GPM6A: variants seen among roughly 807,000 people sequenced by gnomAD.
GPM6A encodes neuronal membrane glycoprotein M6-a.
Under a neutral mutation model 32.1 loss-of-function variants are expected in GPM6A, and 7 were observed. The observed-to-expected ratio is 0.22, with a 90% CI of 0.12 to 0.41. GPM6A has a LOEUF of 0.41. Among genes scored for constraint, GPM6A ranks in the 10% least tolerant of loss-of-function variants. The pLI is 1.00. For missense variants in GPM6A, 235 were observed against 347.2 expected, an observed-to-expected ratio of 0.68 and a Z score of 2.57; for synonymous variants, 130 against 123.4, an observed-to-expected ratio of 1.05 and a Z score of -0.35.
chr4:175,940,807 C>T (rs1471266817), intron 1 of GPM6A, among the ~76,000 whole-genome samples: 1 of 152,152 alleles, frequency 6.6e-6, no homozygotes, highest in Non-Finnish European at 1.5e-5. Context: ...CAGGGTTTGC[C>T]CATGTTGGCC....
At chr4:175,865,717 T>G (rs1468699977) in intron 1 of GPM6A, among the ~76,000 whole-genome samples, 5 of 152,166 alleles carry the variant, frequency 3.3e-5, no homozygotes, top group Non-Finnish European at 7.4e-5. Context: ...AGACTTTTTT[T>G]CTTACTTTTA....
chr4:175,941,847 G>A lies in GPM6A; in HGVS notation c.-23+60462C>T, dbSNP rs182116371. 2.1e-3 allele frequency among the ~76,000 whole-genome samples: 316 copies of A among 152,230 alleles called. 3 individuals carry two copies. The highest frequency in any genetic ancestry group is 6.8e-3 in the Middle Eastern group (2 of 294). On this transcript the variant is annotated intron_variant, in intron 1 of 7. Coordinates refer to the GPM6A transcript ENST00000280187. ...GTGAACAGTGCGGCAATAAACATACGTGTGCATGTTTATAGAAGAATGATT... is the reference window on the plus strand; with the variant it reads ...GTGAACAGTGCGGCAATAAACATACATGTGCATGTTTATAGAAGAATGATT...
chr4:175,855,743 G>C (rs1037374736), intron 1 of GPM6A, among the ~76,000 whole-genome samples: 2 of 152,168 alleles, frequency 1.3e-5, no homozygotes, highest in Non-Finnish European at 2.9e-5. Context: ...GATCCATTTG[G>C]TAATGGATTA....
intron 1 of GPM6A, among the ~76,000 whole-genome samples, chr4:175,753,685 C>T (rs531806083): frequency 6.6e-6 from 1 of 152,224 alleles, no homozygotes; most frequent in South Asian, 2.1e-4. Context: ...AACTAACAGC[C>T]TCCTTAATGG....
At chr4:175,843,227 A>G (rs1007520124) in intron 1 of GPM6A, among the ~76,000 whole-genome samples, 1 of 152,238 alleles carries the variant, frequency 6.6e-6, no homozygotes, top group Admixed American at 6.5e-5. Flanking sequence ...AAGAAAATAC[A>G]GAATATAAAC....
At chr4:175,998,778 T>C (rs1483344224) in intron 1 of GPM6A, among the ~76,000 whole-genome samples, 1 of 152,208 alleles carries the variant, frequency 6.6e-6, no homozygotes, top group Non-Finnish European at 1.5e-5. Flanking sequence ...TTTAGGCATA[T>C]ATCATATTAT....
At chr4:175,854,724 A>T (rs1736364877) in intron 1 of GPM6A, among the ~76,000 whole-genome samples, 1 of 152,256 alleles carries the variant, frequency 6.6e-6, no homozygotes, top group Non-Finnish European at 1.5e-5. Flanking sequence ...CCTAGACAGC[A>T]GCAGTTAAAA....
intron 1 of GPM6A, among the ~76,000 whole-genome samples, chr4:175,879,565 G>A (rs986527866): frequency 6.6e-6 from 1 of 152,106 alleles, no homozygotes; most frequent in African/African-American, 2.4e-5. Context: ...ACTATCATGA[G>A]AACAGTATGG....
chr4:175,978,975 A>C (rs1229066743), intron 1 of GPM6A, among the ~76,000 whole-genome samples: 1 of 152,176 alleles, frequency 6.6e-6, no homozygotes, highest in East Asian at 1.9e-4. Flanking sequence ...CAAAAAAAAA[A>C]AAAATCCAAA....
chr4:175,843,320 C>T (rs1348147950), intron 1 of GPM6A, among the ~76,000 whole-genome samples: 1 of 152,122 alleles, frequency 6.6e-6, no homozygotes, highest in Non-Finnish European at 1.5e-5. Flanking sequence ...TTTCCTTTTA[C>T]ATTCATTTTT....
intron 2 of GPM6A, among the ~76,000 whole-genome samples, chr4:175,695,682 A>G (rs1744539096): frequency 6.6e-6 from 1 of 152,160 alleles, no homozygotes; most frequent in Non-Finnish European, 1.5e-5. Context: ...CTCATCTCAG[A>G]TGAGACTTTG....
chr4:175,679,331 G>A (rs571489504), intron 2 of GPM6A, among the ~76,000 whole-genome samples: 25 of 152,200 alleles, frequency 1.6e-4, no homozygotes, highest in African/African-American at 5.5e-4. Flanking sequence ...CTATACAAGC[G>A]ATATTGTGCT....
At chr4:175,994,670 G>A (rs535358441) in intron 1 of GPM6A, among the ~76,000 whole-genome samples, 6 of 152,314 alleles carry the variant, frequency 3.9e-5, no homozygotes, top group Non-Finnish European at 5.9e-5. Flanking sequence ...ACTGATCAGG[G>A]TGGTGGTTGC....
chr4:175,742,069 T>C (rs1731908351), intron 1 of GPM6A, among the ~76,000 whole-genome samples: 1 of 152,104 alleles, frequency 6.6e-6, no homozygotes, highest in Non-Finnish European at 1.5e-5. Flanking sequence ...TTACATAAAA[T>C]AATTTAGAAA....
intron 1 of GPM6A, among the ~76,000 whole-genome samples, chr4:175,980,234 G>T (rs557139366): frequency 6.6e-6 from 1 of 152,268 alleles, no homozygotes; most frequent in South Asian, 2.1e-4. Context: ...GCATGCATCT[G>T]CAGTCCCAGC....
chr4:175,773,081 G>A (rs982775003), intron 1 of GPM6A, among the ~76,000 whole-genome samples: 7 of 152,128 alleles, frequency 4.6e-5, no homozygotes, highest in Non-Finnish European at 8.8e-5. Context: ...TGATGTTTTG[G>A]TGGTGATTCC....
intron 1 of GPM6A, among the ~76,000 whole-genome samples, chr4:175,960,016 G>C (rs1032189421): frequency 6.6e-6 from 1 of 152,156 alleles, no homozygotes; most frequent in African/African-American, 2.4e-5. Flanking sequence ...CAAGAAAATT[G>C]AGGCACAAAG....
chr4:175,835,714 A>G (rs1013818938), intron 1 of GPM6A, among the ~76,000 whole-genome samples: 1 of 147,110 alleles, frequency 6.8e-6, no homozygotes, highest in Non-Finnish European at 1.5e-5. Flanking sequence ...TATACTTTAC[A>G]GTACATATTA....
chr4:175,643,438 G>A (rs1741270615), intron 4 of GPM6A, among the ~76,000 whole-genome samples: 1 of 152,086 alleles, frequency 6.6e-6, no homozygotes, highest in Non-Finnish European at 1.5e-5. Flanking sequence ...CTTCCCTGTT[G>A]TTTCCTGAGA....
Sources: allele counts gnomAD v4.1 joint callset (sites outside exome capture counted in the v4.1 genomes callset), GRCh38; gene constraint gnomAD v4.1.1; transcripts MANE v1.5; gene names NCBI Gene and HGNC (gene_info 2026-07-23, HGNC 2026-07-21).